The following STK3 variants were observed in gnomAD, a reference collection of about 807,000 sequenced individuals.
STK3 encodes serine/threonine-protein kinase 3.
In STK3, 41 loss-of-function variants were observed where a neutral mutation model predicts 58.0. That is an observed-to-expected ratio of 0.71 (90% CI 0.55 to 0.92). The LOEUF is 0.92. STK3 is among the 40% of genes least tolerant of loss of function. The pLI, the probability that STK3 is intolerant of heterozygous loss-of-function variation, is 0.00. For synonymous variants in STK3, 170 were observed against 191.0 expected (o/e 0.89, Z 0.91); for missense variants, 479 against 602.7 (o/e 0.79, Z 2.15).
At chr8:98,910,333 A>G (rs1839080070) in intron 1 of STK3, among the ~76,000 whole-genome samples, 1 of 152,212 alleles carries the variant, frequency 6.6e-6, no homozygotes, top group Non-Finnish European at 1.5e-5. Context: ...GTTGTGTAGT[A>G]ATAACCTCAG....
upstream of STK3, among the ~76,000 whole-genome samples, chr8:98,392,104 T>C (rs1393884792): frequency 2.0e-5 from 3 of 152,222 alleles, no homozygotes; most frequent in Admixed American, 6.5e-5. Context: ...AAAAGAAATC[T>C]TTCTGAGTCT....
At chr8:98,478,886 A>G (rs1053208163) in intron 10 of STK3, among the ~76,000 whole-genome samples, 24 of 152,022 alleles carry the variant, frequency 1.6e-4, no homozygotes, top group African/African-American at 5.3e-4. Flanking sequence ...GCTCTTATAC[A>G]CTATATTTAC....
intron 6 of STK3, among the ~76,000 whole-genome samples, chr8:98,639,428 T>C (rs1483855354): frequency 6.6e-6 from 1 of 152,150 alleles, no homozygotes; most frequent in Non-Finnish European, 1.5e-5. Flanking sequence ...TGGATATTAA[T>C]CCTCCTGAAA....
intron 6 of STK3, among the ~76,000 whole-genome samples, chr8:98,634,109 G>A (rs1010218610): frequency 6.6e-6 from 1 of 152,144 alleles, no homozygotes; most frequent in African/African-American, 2.4e-5. Context: ...GGGAACTGGT[G>A]AATAATGAAA....
At chr8:98,592,729 CTTACTTTATTTA>C (rs1418617011) in intron 7 of STK3, among the ~76,000 whole-genome samples, 180 of 145,476 alleles carry the variant, frequency 1.2e-3, no homozygotes, top group African/African-American at 4.3e-3. Context: ...TGCTCACTGA[CTTACTTTATTTA>C]TTTATTTATT....
chr8:98,589,675 TG>T (rs1293055900), intron 7 of STK3, among the ~76,000 whole-genome samples: 1 of 152,256 alleles, frequency 6.6e-6, no homozygotes, highest in Non-Finnish European at 1.5e-5. Flanking sequence ...GCCTGGGCAA[TG>T]GCGGGCGCCC....
At chr8:98,378,319 G>A (rs977836839) in intron 2 of STK3, among the ~76,000 whole-genome samples, 1 of 152,124 alleles carries the variant, frequency 6.6e-6, no homozygotes, top group Non-Finnish European at 1.5e-5. Context: ...GAGTTACTTT[G>A]TCACCTTTTT....
intron 6 of STK3, among the ~76,000 whole-genome samples, chr8:98,694,536 T>C (rs964478190): frequency 6.6e-6 from 1 of 151,998 alleles, no homozygotes; most frequent in Admixed American, 6.6e-5. Context: ...GAGTGTGATG[T>C]TCCCCTTCCT....
chr8:98,560,285 T>C (rs1029192281), intron 8 of STK3, among the ~76,000 whole-genome samples: 2 of 152,148 alleles, frequency 1.3e-5, no homozygotes, highest in Non-Finnish European at 2.9e-5. Context: ...TATTTGCAGA[T>C]GACATCATTG....
chr8:98,525,162 C>T (rs544022149), intron 10 of STK3, among the ~76,000 whole-genome samples: 15 of 152,184 alleles, frequency 9.9e-5, no homozygotes, highest in Admixed American at 7.9e-4. Flanking sequence ...AGTGAAACAA[C>T]TCAGAAACAG....
chr8:98,551,426 G>T (rs1344200807), intron 8 of STK3, among the ~76,000 whole-genome samples: 2 of 152,094 alleles, frequency 1.3e-5, no homozygotes, highest in Non-Finnish European at 2.9e-5. Context: ...TGTGAAAGTT[G>T]TCAGAATCAA....
intron 1 of STK3, among the ~76,000 whole-genome samples, chr8:98,933,281 T>C (rs886375094): frequency 6.6e-6 from 1 of 152,162 alleles, no homozygotes; most frequent in Non-Finnish European, 1.5e-5. Context: ...GAAATACATT[T>C]GTATGTGGGG....
rs200294296 is a variant in STK3, at chr8:98,556,360, AAC to A, written c.949-8201_949-8200del. 8.9e-3 allele frequency among the ~76,000 whole-genome samples: 1,360 copies of A among 152,228 alleles called. 15 individuals are homozygous for A. The highest frequency in any genetic ancestry group is 0.014 in the Non-Finnish European group (973 of 67,984). On this transcript the variant is annotated intron_variant, in intron 8 of 10. Transcript: ENST00000419617. ...CAGAGATAAAATCTAGCCAAACGTG[AAC>A]TCACTATCCCAAAGATAAATACATG... is the stretch of plus-strand genomic sequence containing the variant.
chr8:98,707,375 G>C, intron 4 of STK3, 64 bp from the exon 5 acceptor site: 9 of 1,226,266 alleles, frequency 7.3e-6, no homozygotes, highest in Non-Finnish European at 1.0e-5. Context: ...TTACGAAAGA[G>C]CACTAGTAAC....
chr8:98,784,430 C>A (rs1289429586), intron 1 of STK3, among the ~76,000 whole-genome samples: 1 of 152,218 alleles, frequency 6.6e-6, no homozygotes, highest in African/African-American at 2.4e-5. Context: ...AGCTTAGCAA[C>A]CTGGAACTGG....
At chr8:98,700,084 C>T (rs938761553) in intron 6 of STK3, among the ~76,000 whole-genome samples, 3 of 152,232 alleles carry the variant, frequency 2.0e-5, no homozygotes, top group African/African-American at 7.2e-5. Context: ...CGCCCCTCCC[C>T]CAGCCTCGCT....
At chr8:98,512,033 C>T (rs150041066) in intron 10 of STK3, among the ~76,000 whole-genome samples, 202 of 152,050 alleles carry the variant, frequency 1.3e-3, no homozygotes, top group African/African-American at 4.7e-3. Context: ...AGGTTTGTTA[C>T]ATATGTATAC....
At chr8:98,379,652 C>T (rs4308700) in intron 1 of STK3, among the ~76,000 whole-genome samples, 94,559 of 152,088 alleles carry the variant, frequency 0.62, 30,321 homozygotes, top group Non-Finnish European at 0.7. Context: ...GCACACTCTC[C>T]TCCCCAGGAT....
chr8:98,457,364 A>AT (rs1819578651), intron 10 of STK3, among the ~76,000 whole-genome samples: 1 of 152,238 alleles, frequency 6.6e-6, no homozygotes, highest in African/African-American at 2.4e-5. Flanking sequence ...TAATGGCCAC[A>AT]TTGAAAGGCC....
Sources: allele counts gnomAD v4.1 joint callset (sites outside exome capture counted in the v4.1 genomes callset), GRCh38; gene constraint gnomAD v4.1.1; transcripts MANE v1.5; gene names NCBI Gene and HGNC (gene_info 2026-07-23, HGNC 2026-07-21).